The following NIBAN2 variants were observed in gnomAD, a reference collection of about 807,000 sequenced individuals.
NIBAN2 encodes the protein protein Niban 2.
Under a neutral mutation model 81.8 loss-of-function variants are expected in NIBAN2, and 36 were observed. That is an observed-to-expected ratio of 0.44 (90% CI 0.34 to 0.58). The LOEUF is 0.58. Among genes scored for constraint, NIBAN2 ranks in the 20% least tolerant of loss-of-function variants. The pLI is 0.02. For missense variants in NIBAN2, 897 were observed against 1,014.1 expected (o/e 0.88, Z 1.57); for synonymous variants, 445 against 441.6 (o/e 1.01, Z -0.10).
chr9:127,530,055 A>G (rs953152510), intron 2 of NIBAN2, among the ~76,000 whole-genome samples: 2 of 152,146 alleles, frequency 1.3e-5, no homozygotes, highest in African/African-American at 4.8e-5. Context: ...TGGGCTGCCC[A>G]TGACATTTCT....
intron 5 of NIBAN2, among the ~76,000 whole-genome samples, chr9:127,520,189 C>A (rs1333372893): frequency 6.6e-6 from 1 of 151,398 alleles, no homozygotes; most frequent in Non-Finnish European, 1.5e-5. Context: ...GAGTCCTAAC[C>A]CCCAGTACCC....
rs902306695 is a variant in NIBAN2 at position 127,508,054 on chromosome 9, T to G, written c.1542+39A>C. The G allele has an allele frequency of 1.9e-6, 3 of 1,610,972 alleles. No homozygotes were observed. The highest frequency in any genetic ancestry group is 2.5e-6 in the Non-Finnish European group (3 of 1,177,340). Reference sequence around the variant, plus strand: ...AGGCCTGTGGGCTCCATCCCCCAACTTAGGGCCCAAACGGCTGGAGCAGGT... The same window carrying G: ...AGGCCTGTGGGCTCCATCCCCCAACGTAGGGCCCAAACGGCTGGAGCAGGT... On this transcript the variant is annotated intron_variant, in intron 12 of 13. Transcript: ENST00000373312. This position sits in a 1 kb window ranked among gnomAD's most constrained non-coding sequence, Gnocchi z 6.4.
intron 1 of NIBAN2, among the ~76,000 whole-genome samples, chr9:127,539,072 G>A (rs1837331716): frequency 6.6e-6 from 1 of 151,920 alleles, no homozygotes; most frequent in African/African-American, 2.4e-5. Flanking sequence ...ATTAAGGATC[G>A]AGCTGACTGA....
At chr9:127,522,380 C>T (rs991262269) in intron 5 of NIBAN2, among the ~76,000 whole-genome samples, 5 of 152,166 alleles carry the variant, frequency 3.3e-5, no homozygotes, top group African/African-American at 1.2e-4. Context: ...TGGCACTGCG[C>T]CCAAGGGTGG....
intron 2 of NIBAN2, among the ~76,000 whole-genome samples, chr9:127,528,770 C>T (rs1437229065): frequency 6.6e-6 from 1 of 152,272 alleles, no homozygotes; most frequent in Non-Finnish European, 1.5e-5. Context: ...TGCCCACACC[C>T]AGCTCAAATC....
In NIBAN2 at chr9:127,506,783, A is replaced by C. The variant is rs1403218832; in HGVS notation, c.*62T>G. ...GACCAGGGTGCCCTCCCCAGAGCTG[A>C]GCCTGCCTGGGTCCGGAAGGGAACG... On this transcript the variant is annotated 3_prime_UTR_variant, in exon 14 of 14. Transcript: ENST00000373312. The C allele has an allele frequency of 2.0e-6, 3 of 1,463,416 alleles. No individual in the cohort carries two copies. The highest frequency in any genetic ancestry group is 2.8e-6 in the Non-Finnish European group (3 of 1,081,444). 90.7% of individuals were successfully genotyped at this position (1,463,416 alleles called of 1,614,324 possible).
chr9:127,519,174 C>CAAAAA (rs398046914), intron 5 of NIBAN2, among the ~76,000 whole-genome samples: 1 of 39,310 alleles, frequency 2.5e-5, no homozygotes, highest in Non-Finnish European at 6.0e-5. Flanking sequence ...GACTCTGTCT[C>CAAAAA]AAAAAAAAAA....
upstream of NIBAN2, among the ~76,000 whole-genome samples, chr9:127,569,291 C>A (rs1205032740): frequency 6.7e-6 from 1 of 150,266 alleles, no homozygotes; most frequent in Non-Finnish European, 1.5e-5. Context: ...CCGCTGCCTC[C>A]GGCGGGCGGG....
chr9:127,510,377 C>A, intron 8 of NIBAN2, 44 bp from the exon 9 acceptor site: 1 of 1,489,204 alleles, frequency 6.7e-7, no homozygotes, highest in Non-Finnish European at 9.1e-7. Flanking sequence ...CCCCAAGGAG[C>A]ACCTCCCAGC....
intron 1 of NIBAN2, among the ~76,000 whole-genome samples, chr9:127,558,440 C>G (rs1026071836): frequency 6.6e-6 from 1 of 152,194 alleles, no homozygotes; most frequent in Non-Finnish European, 1.5e-5. Flanking sequence ...CATGTCCCAT[C>G]ATCTTCCTGG....
At position 127,559,562 on chromosome 9, in the gene NIBAN2, T is replaced by C. The variant is rs544624623; in HGVS notation, c.55+9258A>G. Among the ~76,000 whole-genome samples, 34 of 152,284 alleles carry C rather than the reference T, an allele frequency of 2.2e-4. No individual in the cohort carries two copies. Among genetic ancestry groups the C allele is most frequent in the African/African-American group, 7.7e-4 (32 of 41,550 alleles). On this transcript the variant is annotated intron_variant, in intron 1 of 13. Coordinates refer to ENST00000373312, the MANE Select transcript of NIBAN2 (RefSeq NM_022833.4). The surrounding 1 kb of genome is among the most constrained non-coding windows in gnomAD (Gnocchi z 4.0). ...CAGCTTCTTCCCAAGGGACTCCTCT[T>C]CTAGAAGGTGCTAAGCTTCACAAAT...
chr9:127,547,957 T>A (rs955669584), intron 1 of NIBAN2, among the ~76,000 whole-genome samples: 3 of 152,194 alleles, frequency 2.0e-5, no homozygotes, highest in African/African-American at 7.2e-5. Context: ...TGGGCTGGTG[T>A]TATCAATGGC....
intron 1 of NIBAN2, among the ~76,000 whole-genome samples, chr9:127,555,205 G>C (rs1420722300): frequency 6.6e-6 from 1 of 152,062 alleles, no homozygotes; most frequent in Non-Finnish European, 1.5e-5. Flanking sequence ...TACCTAACGC[G>C]GTACATTCTA....
Position 127,507,065 on chromosome 9 carries a change from T to A in NIBAN2, c.2021A>T (p.Asn674Ile). The change falls in exon 14 of 14, where the codon AAC becomes ATC. Residue 674 changes from asparagine to isoleucine, a missense_variant. Physicochemically the swap from Asn to Ile is moderately radical, Grantham distance 149. Around this residue, in one of 3 missense-constraint regions of NIBAN2, gnomAD observed 619 missense variants for 691.0 expected, o/e 0.90. Coordinates refer to ENST00000373312, the MANE Select transcript of NIBAN2 (RefSeq NM_022833.4). The surrounding 1 kb of genome is among the most constrained non-coding windows in gnomAD (Gnocchi z 6.8). ...GGGACTCTCCCCAGCGGGGGCCCCG[T>A]TGAGCAGGGGGCCGGCTGGTGGGGG... is the stretch of plus-strand genomic sequence containing the variant. ...ESPPPAGPLL[N>I]GAPAGESPQP... 1 of 1,577,362 alleles carries A rather than the reference T, an allele frequency of 6.3e-7. No homozygotes were observed. The highest frequency in any genetic ancestry group is 2.3e-5 in the East Asian group (1 of 42,938).
At chr9:127,522,389 G>A (rs143377879) in intron 5 of NIBAN2, among the ~76,000 whole-genome samples, 1 of 152,310 alleles carries the variant, frequency 6.6e-6, no homozygotes, top group Non-Finnish European at 1.5e-5. Flanking sequence ...GCCCAAGGGT[G>A]GGGCGGGGGC....
chr9:127,567,957 C>A (rs1158476750), intron 1 of NIBAN2, among the ~76,000 whole-genome samples: 1 of 152,318 alleles, frequency 6.6e-6, no homozygotes, highest in Non-Finnish European at 1.5e-5. Context: ...CAGGAGAGAT[C>A]GGCCAGAGAG....
At chr9:127,577,217 A>G (rs1206445538) in intron 1 of NIBAN2, among the ~76,000 whole-genome samples, 1 of 151,998 alleles carries the variant, frequency 6.6e-6, no homozygotes, top group Non-Finnish European at 1.5e-5. Flanking sequence ...CTGAGGCACA[A>G]GAATCACTTG....
chr9:127,544,670 A>G (rs956484549), intron 1 of NIBAN2, among the ~76,000 whole-genome samples: 4 of 151,860 alleles, frequency 2.6e-5, no homozygotes, highest in Non-Finnish European at 5.9e-5. Flanking sequence ...CACCCAGCTG[A>G]TTTTTGTATT....
intron 1 of NIBAN2, among the ~76,000 whole-genome samples, chr9:127,546,429 C>T (rs542853844): frequency 2.0e-4 from 30 of 152,318 alleles, no homozygotes; most frequent in African/African-American, 7.0e-4. Flanking sequence ...CCCCCACGGG[C>T]CTGGACACCT....
Sources: allele counts gnomAD v4.1 joint callset (sites outside exome capture counted in the v4.1 genomes callset), GRCh38; gene constraint gnomAD v4.1.1; regional missense constraint gnomAD v4.1.1; non-coding constraint Gnocchi (gnomAD v3.1); transcripts MANE v1.5; gene names NCBI Gene and HGNC (gene_info 2026-07-23, HGNC 2026-07-21).